Variants in SDK1 observed in about 807,000 individuals in gnomAD.
SDK1 encodes the protein protein sidekick-1.
In SDK1, 157 loss-of-function variants were observed where a neutral mutation model predicts 245.5. The ratio of observed to expected loss-of-function variants is 0.64; its 90% CI spans 0.56 to 0.73. The LOEUF (loss-of-function observed/expected upper bound fraction) is 0.73. SDK1 is among the 30% of genes least tolerant of loss of function. The pLI is 0.00. For synonymous variants in SDK1, 1,647 were observed against 1,278.5 expected (o/e 1.29, Z -6.15); for missense variants, 3,583 against 3,002.3 (o/e 1.19, Z -4.52).
At chr7:4,070,116 C>T (rs1328149252) in intron 20 of SDK1, among the ~76,000 whole-genome samples, 2 of 152,210 alleles carry the variant, frequency 1.3e-5, no homozygotes, top group South Asian at 2.1e-4. Context: ...TGTTAATATG[C>T]GCTAACAATT....
At chr7:3,637,420 T>C (rs889546135) in intron 2 of SDK1, among the ~76,000 whole-genome samples, 1 of 152,196 alleles carries the variant, frequency 6.6e-6, no homozygotes, top group South Asian at 2.1e-4. Flanking sequence ...GGATATTAGC[T>C]CTTAGCTATA....
chr7:4,030,443 G>C (rs1005533770), intron 17 of SDK1, among the ~76,000 whole-genome samples: 49 of 152,316 alleles, frequency 3.2e-4, no homozygotes, highest in African/African-American at 1.1e-3. Context: ...AGGAAGGTTG[G>C]GTCCAAGAAG....
intron 1 of SDK1, among the ~76,000 whole-genome samples, chr7:3,446,343 T>G (rs1231577318): frequency 6.6e-6 from 1 of 152,170 alleles, no homozygotes; most frequent in Non-Finnish European, 1.5e-5. Context: ...AATGTTTGAG[T>G]TAAGGTATGA....
At chr7:3,429,722 G>A (rs1051150548) in intron 1 of SDK1, among the ~76,000 whole-genome samples, 2 of 151,208 alleles carry the variant, frequency 1.3e-5, no homozygotes, top group African/African-American at 4.9e-5. Flanking sequence ...TCAGCCTCCT[G>A]AGTAGCTGGG....
chr7:3,737,361 TGGGTGGTGCAGG>T (rs1779345267), intron 4 of SDK1, among the ~76,000 whole-genome samples: 1 of 152,220 alleles, frequency 6.6e-6, no homozygotes, highest in Non-Finnish European at 1.5e-5. Context: ...CTCTGTGCCC[TGGGTGGTGCAGG>T]GGGGCGTCCA....
intron 28 of SDK1, among the ~76,000 whole-genome samples, chr7:4,139,816 T>C (rs1779449865): frequency 6.6e-6 from 1 of 152,038 alleles, no homozygotes; most frequent in African/African-American, 2.4e-5. Context: ...CTGAGAGCTT[T>C]AGCACCGCAT....
At chr7:3,992,032 T>G (rs781543960) in intron 14 of SDK1, among the ~76,000 whole-genome samples, 15 of 152,210 alleles carry the variant, frequency 9.9e-5, no homozygotes, top group Non-Finnish European at 1.5e-4. Flanking sequence ...AATAGCGCCA[T>G]CTACTAGGTC....
chr7:3,343,110 G>A (rs955728178), intron 1 of SDK1, among the ~76,000 whole-genome samples: 8 of 151,958 alleles, frequency 5.3e-5, no homozygotes, highest in Admixed American at 1.3e-4. Context: ...ACAGTTTGGC[G>A]GTTTCTTATA....
At chr7:3,815,094 A>G (rs1391924390) in intron 4 of SDK1, among the ~76,000 whole-genome samples, 1 of 107,400 alleles carries the variant, frequency 9.3e-6, no homozygotes, top group Admixed American at 1.0e-4. Context: ...TCCTAATTGA[A>G]TACCCTTTAT....
intron 37 of SDK1, 72 bp downstream of exon 37, chr7:4,208,357 C>T (rs1240862086): frequency 7.0e-7 from 1 of 1,423,502 alleles, no homozygotes; most frequent in African/African-American, 1.4e-5. Context: ...GCTCAGGTCC[C>T]CTCACACAGT....
intron 26 of SDK1, 60 bp downstream of exon 26, chr7:4,127,556 T>C (rs1399030458): frequency 1.8e-5 from 23 of 1,244,242 alleles, no homozygotes; most frequent in Non-Finnish European, 2.5e-5. Flanking sequence ...AATGGGAGCA[T>C]GTGCTATTCC....
rs552855176 is a variant in SDK1 at position 4,190,028 on chromosome 7, CG to C, written c.5098+11443del. Among the ~76,000 whole-genome samples the C allele has an allele frequency of 2.4e-3, 362 of 152,226 alleles. 1 individual carries two copies. The highest frequency in any genetic ancestry group is 7.8e-3 in the African/African-American group (324 of 41,538). On this transcript the variant is annotated intron_variant, in intron 35 of 44. Transcript: ENST00000404826. ...CACAGCTTCTAGCTGTTTCAGCTCC[CG>C]CTAGTGACAAATAAAGCCAGTCCTA...
chr7:3,967,293 T>A, intron 9 of SDK1, 25 bp from the exon 10 acceptor site: 1 of 1,572,640 alleles, frequency 6.4e-7, no homozygotes. Flanking sequence ...AAGGCCCTGA[T>A]CATTTCATTT....
chr7:3,502,029 A>G (rs1397498475), intron 1 of SDK1, among the ~76,000 whole-genome samples: 2 of 152,170 alleles, frequency 1.3e-5, no homozygotes, highest in African/African-American at 4.8e-5. Flanking sequence ...AAAAATTCCA[A>G]TTACATATAA....
chr7:3,375,812 G>A (rs956468657), intron 1 of SDK1, among the ~76,000 whole-genome samples: 1 of 152,130 alleles, frequency 6.6e-6, no homozygotes, highest in African/African-American at 2.4e-5. Context: ...AACCTCATGT[G>A]GATACAGCTA....
chr7:3,572,072 T>G (rs1324019690), intron 1 of SDK1, among the ~76,000 whole-genome samples: 1 of 152,074 alleles, frequency 6.6e-6, no homozygotes, highest in African/African-American at 2.4e-5. Context: ...AGGACACCCT[T>G]TAAAATAAGA....
At chr7:4,181,961 C>T (rs1436586561) in intron 35 of SDK1, among the ~76,000 whole-genome samples, 1 of 152,080 alleles carries the variant, frequency 6.6e-6, no homozygotes, top group Non-Finnish European at 1.5e-5. Flanking sequence ...GCTCTGTCAC[C>T]CAGGCTGGAG....
chr7:3,309,473 G>C (rs1189284225), intron 1 of SDK1, among the ~76,000 whole-genome samples: 1 of 146,618 alleles, frequency 6.8e-6, no homozygotes, highest in Non-Finnish European at 1.5e-5. Context: ...ACCCAGCTAT[G>C]TGAAATCAAA....
intron 4 of SDK1, among the ~76,000 whole-genome samples, chr7:3,650,992 G>A (rs1454311080): frequency 1.3e-5 from 2 of 151,768 alleles, no homozygotes; most frequent in African/African-American, 2.4e-5. Flanking sequence ...TCCAGTTTTT[G>A]GCCATGATGA....
Sources: allele counts gnomAD v4.1 joint callset (sites outside exome capture counted in the v4.1 genomes callset), GRCh38; gene constraint gnomAD v4.1.1; transcripts MANE v1.5; gene names NCBI Gene and HGNC (gene_info 2026-07-23, HGNC 2026-07-21).